Variants in LRRC4C observed in about 807,000 individuals in gnomAD.
LRRC4C encodes leucine-rich repeat-containing protein 4C.
In LRRC4C, 5 loss-of-function variants were observed where a neutral mutation model predicts 33.6. The observed-to-expected ratio is 0.15, with a 90% CI of 0.08 to 0.31. The LOEUF is 0.31. LRRC4C is among the 10% of genes least tolerant of loss of function. The pLI, the probability that LRRC4C is intolerant of heterozygous loss-of-function variation, is 1.00. For synonymous variants in LRRC4C, 329 were observed against 302.0 expected, an observed-to-expected ratio of 1.09 and a Z score of -0.93; for missense variants, 560 against 796.7, an observed-to-expected ratio of 0.70 and a Z score of 3.58.
intron 3 of LRRC4C, among the ~76,000 whole-genome samples, chr11:40,528,201 G>A (rs978407390): frequency 3.3e-5 from 5 of 151,978 alleles, no homozygotes; most frequent in Admixed American, 6.6e-5. Flanking sequence ...AAACTAAAAA[G>A]CTCTGCACAG....
chr11:40,836,612 G>T (rs938437107), intron 2 of LRRC4C, among the ~76,000 whole-genome samples: 2 of 152,074 alleles, frequency 1.3e-5, no homozygotes, highest in East Asian at 3.9e-4. Context: ...AAGGAGAAAA[G>T]TCCTGTGTCC....
chr11:40,730,055 T>C (rs1010771755), intron 2 of LRRC4C, among the ~76,000 whole-genome samples: 9 of 150,288 alleles, frequency 6.0e-5, no homozygotes, highest in African/African-American at 2.2e-4. Flanking sequence ...AATTGAACAG[T>C]GAGATCACGT....
chr11:40,264,556 C>T (rs1354266230), intron 4 of LRRC4C, among the ~76,000 whole-genome samples: 2 of 152,180 alleles, frequency 1.3e-5, no homozygotes, highest in Non-Finnish European at 2.9e-5. Context: ...AAAGGACTTG[C>T]ATCCTCTGAA....
At chr11:41,226,266 G>C (rs947842971) in intron 1 of LRRC4C, among the ~76,000 whole-genome samples, 3 of 151,974 alleles carry the variant, frequency 2.0e-5, no homozygotes, top group African/African-American at 7.2e-5. Flanking sequence ...ATCGTTCATA[G>C]AAAAAATCTC....
intron 4 of LRRC4C, among the ~76,000 whole-genome samples, chr11:40,296,534 C>T (rs1455781071): frequency 1.3e-5 from 2 of 152,102 alleles, no homozygotes; most frequent in Admixed American, 1.3e-4. Context: ...ACATGGGGAA[C>T]AGCTGTATAT....
chr11:40,852,214 C>A (rs901897844), intron 2 of LRRC4C, among the ~76,000 whole-genome samples: 2 of 151,488 alleles, frequency 1.3e-5, no homozygotes, highest in Non-Finnish European at 2.9e-5. Context: ...AGTATTATGA[C>A]TGGGGATTAA....
chr11:40,338,113 T>C (rs35751861), intron 3 of LRRC4C, among the ~76,000 whole-genome samples: 1 of 152,114 alleles, frequency 6.6e-6, no homozygotes, highest in Non-Finnish European at 1.5e-5. Context: ...AAAATGCTTT[T>C]AAATTTCCTT....
At chr11:41,048,139 CT>C (rs1857917827) in intron 1 of LRRC4C, among the ~76,000 whole-genome samples, 1 of 151,684 alleles carries the variant, frequency 6.6e-6, no homozygotes, top group South Asian at 2.1e-4. Context: ...AACAAATGTA[CT>C]CATGAAAAGG....
At chr11:40,885,611 A>G (rs1955418765) in intron 2 of LRRC4C, among the ~76,000 whole-genome samples, 1 of 151,870 alleles carries the variant, frequency 6.6e-6, no homozygotes, top group East Asian at 1.9e-4. Flanking sequence ...TCATCAACAA[A>G]CTCTCTAGAT....
intron 3 of LRRC4C, among the ~76,000 whole-genome samples, chr11:40,506,124 T>C (rs7113877): frequency 0.065 from 9,841 of 152,212 alleles, 837 homozygotes; most frequent in African/African-American, 0.2. Context: ...ATGCTCTTCA[T>C]TTGAACTTGC....
At chr11:40,882,344 T>TA (rs1438928368) in intron 2 of LRRC4C, among the ~76,000 whole-genome samples, 1 of 152,122 alleles carries the variant, frequency 6.6e-6, no homozygotes, top group East Asian at 1.9e-4. Context: ...GGTGTGCTAT[T>TA]AATCATTATG....
chr11:41,258,344 C>T (rs920950611), intron 1 of LRRC4C, among the ~76,000 whole-genome samples: 7 of 151,930 alleles, frequency 4.6e-5, no homozygotes, highest in Non-Finnish European at 7.4e-5. Context: ...TTAGCCTTCA[C>T]GAGTTCTCTA....
intron 3 of LRRC4C, among the ~76,000 whole-genome samples, chr11:40,486,833 T>C (rs1359775682): frequency 6.6e-6 from 1 of 152,056 alleles, no homozygotes; most frequent in Non-Finnish European, 1.5e-5. Flanking sequence ...ATTGCCTATA[T>C]TGTAAACAGC....
At chr11:40,423,484 A>G (rs1461506692) in intron 3 of LRRC4C, among the ~76,000 whole-genome samples, 2 of 151,516 alleles carry the variant, frequency 1.3e-5, no homozygotes, top group Non-Finnish European at 2.9e-5. Flanking sequence ...AGCTGGGACT[A>G]CAGGCGCCCG....
At chr11:40,570,737 C>T (rs1957949858) in intron 3 of LRRC4C, among the ~76,000 whole-genome samples, 1 of 151,992 alleles carries the variant, frequency 6.6e-6, no homozygotes, top group African/African-American at 2.4e-5. Flanking sequence ...TTTATGACAC[C>T]TGTTCTAAAG....
chr11:40,390,547 G>A (rs143467883), intron 3 of LRRC4C, among the ~76,000 whole-genome samples: 5 of 152,290 alleles, frequency 3.3e-5, no homozygotes, highest in South Asian at 4.1e-4. Context: ...TTTACTGTGT[G>A]CTAGGTGATA....
chr11:40,792,253 TA>T lies in LRRC4C; in HGVS notation c.-407+141381del, dbSNP rs982770086. Among the ~76,000 whole-genome samples the T allele has an allele frequency of 2.3e-3, 337 of 148,678 alleles. 3 individuals carry two copies. The highest frequency in any genetic ancestry group is 6.7e-3 in the African/African-American group (273 of 40,702). On this transcript the variant is annotated intron_variant, in intron 2 of 6. Transcript: ENST00000528697. The stretch of plus-strand genomic sequence containing the variant: ...AATCAATAATGACGCTTCCAAGGAG[TA>T]AAAAAAAAATGAACAAAATCAATAT...
intron 3 of LRRC4C, among the ~76,000 whole-genome samples, chr11:40,404,343 G>A (rs904056971): frequency 3.3e-5 from 5 of 152,080 alleles, no homozygotes; most frequent in Non-Finnish European, 7.4e-5. Flanking sequence ...GCTAAATAAA[G>A]GTTTGTTATT....
intron 1 of LRRC4C, among the ~76,000 whole-genome samples, chr11:41,268,727 T>A (rs1369250572): frequency 6.6e-6 from 1 of 152,042 alleles, no homozygotes; most frequent in Non-Finnish European, 1.5e-5. Context: ...AGTTCAGAAT[T>A]TCAGTAGTTG....
Sources: allele counts gnomAD v4.1 joint callset (sites outside exome capture counted in the v4.1 genomes callset), GRCh38; gene constraint gnomAD v4.1.1; transcripts MANE v1.5; gene names NCBI Gene and HGNC (gene_info 2026-07-23, HGNC 2026-07-21).